Variants in PFKFB4 observed in about 807,000 individuals in gnomAD.
PFKFB4 encodes the protein 6-phosphofructo-2-kinase/fructose-2,6-biphosphatase 4.
PFKFB4 carries 42 observed loss-of-function variants against 62.8 expected under a neutral mutation model. That is an observed-to-expected ratio of 0.67 (90% CI 0.52 to 0.86). The LOEUF is 0.86. Among genes scored for constraint, PFKFB4 ranks in the 40% least tolerant of loss-of-function variants. The probability of loss-of-function intolerance (pLI) is 0.00; values close to 1 mark genes in which losing one functional copy is unlikely to be tolerated. For synonymous variants in PFKFB4, 204 were observed against 240.7 expected, an observed-to-expected ratio of 0.85 and a Z score of 1.41; for missense variants, 475 against 627.2, an observed-to-expected ratio of 0.76 and a Z score of 2.59.
rs767995547 is a variant in PFKFB4 at position 48,535,556 on chromosome 3, C to G, written c.943G>C (p.Gly315Arg). ...ACCTTCCACTGTTCATAGGGCACAC[C>G]CAGTGCCTCAGCCGTCTGGATTGTC... is the stretch of plus-strand genomic sequence containing the variant. ...KRTIQTAEAL[G>R]VPYEQWKVLN... The change falls in exon 9 of 14, where the codon GGT (glycine) becomes CGT (arginine). Residue 315 changes from glycine to arginine, a missense_variant. By Grantham distance (125) the Gly-to-Arg change is moderately radical. Coordinates refer to ENST00000232375, the MANE Select transcript of PFKFB4 (RefSeq NM_004567.4). 3.0e-5 allele frequency: 48 copies of G among 1,613,964 alleles called. No homozygotes were observed. The highest frequency in any genetic ancestry group is 4.1e-5 in the Non-Finnish European group (48 of 1,179,990).
Position 48,519,656 on chromosome 3 carries a change from G to T in PFKFB4, c.*91C>A. 2 of 965,012 alleles carry T rather than the reference G, an allele frequency of 2.1e-6. No individual in the cohort carries two copies. Among genetic ancestry groups the T allele is most frequent in the Non-Finnish European group, 3.3e-6 (2 of 603,652 alleles). 59.8% of individuals were successfully genotyped at this position (965,012 alleles called of 1,614,324 possible). A position where few individuals can be genotyped will look rare whatever the true frequency, so the allele number is the denominator to read the frequency against. On this transcript the variant is annotated 3_prime_UTR_variant, in exon 14 of 14. Coordinates refer to ENST00000232375, the MANE Select transcript of PFKFB4 (RefSeq NM_004567.4). ...GTGGCTTCAAGAATATCCCTGCATG[G>T]CATGGTGACTATCACACACACTGGA...
chr3:48,536,195 A>G (rs1244469183), intron 8 of PFKFB4, 61 bp downstream of exon 8: 3 of 1,481,824 alleles, frequency 2.0e-6, no homozygotes, highest in Middle Eastern at 2.3e-4. Flanking sequence ...ACATGCATAT[A>G]CCCAGCCACG....
chr3:48,542,525 C>T (rs1397457394), intron 4 of PFKFB4, among the ~76,000 whole-genome samples: 1 of 151,710 alleles, frequency 6.6e-6, no homozygotes, highest in Non-Finnish European at 1.5e-5. Flanking sequence ...ATTTCCCTGA[C>T]CTGGAGAACA....
At chr3:48,533,117 A>G (rs945526936) in intron 9 of PFKFB4, among the ~76,000 whole-genome samples, 1 of 152,136 alleles carries the variant, frequency 6.6e-6, no homozygotes, top group Non-Finnish European at 1.5e-5. Context: ...GAATGAAATC[A>G]TAGCACACCA....
chr3:48,562,738 G>A, upstream of PFKFB4: 4 of 1,484,386 alleles, frequency 2.7e-6, no homozygotes, highest in Admixed American at 4.4e-5. The surrounding 1 kb of genome is among the most constrained non-coding windows in gnomAD (Gnocchi z 4.3). Context: ...TGCCCTCCAG[G>A]TCTTCCCATC....
rs2042022986 is a variant in PFKFB4, at chr3:48,519,527, G to A, written c.*220C>T. Reference sequence around the variant, plus strand: ...GCCCATGCAGATGCAGTCTGGTCAAGTGACTCTTAGCAGCAGGTCAGGAGC... The same window carrying A: ...GCCCATGCAGATGCAGTCTGGTCAAATGACTCTTAGCAGCAGGTCAGGAGC... On this transcript the variant is annotated 3_prime_UTR_variant, in exon 14 of 14. Coordinates refer to ENST00000232375, the MANE Select transcript of PFKFB4 (RefSeq NM_004567.4). 5 of 552,792 alleles carry A rather than the reference G, an allele frequency of 9.0e-6. No individual in the cohort carries two copies. The highest frequency in any genetic ancestry group is 1.6e-5 in the Non-Finnish European group (5 of 307,760). The allele number at this position is 552,792 out of a possible 1,614,324, so 34.2% of individuals were successfully genotyped here.
upstream of PFKFB4, chr3:48,561,076 G>C (rs758047285): frequency 7.8e-7 from 1 of 1,283,190 alleles, no homozygotes; most frequent in African/African-American, 1.5e-5. This position sits in a 1 kb window ranked among gnomAD's most constrained non-coding sequence, Gnocchi z 5.2. Context: ...CCCGGCCCCA[G>C]GTCGGTCAGG....
At chr3:48,547,323 A>G (rs933214001) in intron 3 of PFKFB4, among the ~76,000 whole-genome samples, 3 of 152,222 alleles carry the variant, frequency 2.0e-5, no homozygotes, top group African/African-American at 7.2e-5. Flanking sequence ...TACCCTGTGC[A>G]TATGGTATAC....
chr3:48,521,975 C>G lies in PFKFB4; in HGVS notation c.1350+11G>C. ...AACACCCCGCTACCCCAGCAGTGAC[C>G]CCATTGCTACCTGAGGCCTGTCCCG... On this transcript the variant is annotated intron_variant, in intron 13 of 13. Transcript: ENST00000232375. The surrounding 1 kb of genome is among the most constrained non-coding windows in gnomAD (Gnocchi z 5.3). 6.2e-7 allele frequency: 1 copy of G among 1,610,478 alleles called. No individual in the cohort carries two copies. Among genetic ancestry groups the G allele is most frequent in the Non-Finnish European group, 8.5e-7 (1 of 1,176,708 alleles).
intron 3 of PFKFB4, among the ~76,000 whole-genome samples, chr3:48,546,894 T>C (rs2042981280): frequency 1.3e-5 from 2 of 152,226 alleles, no homozygotes; most frequent in African/African-American, 4.8e-5. Flanking sequence ...ATGTTGTCAA[T>C]GTTCAATGCA....
chr3:48,543,241 G>C (rs568669696), intron 4 of PFKFB4, among the ~76,000 whole-genome samples: 1 of 152,140 alleles, frequency 6.6e-6, no homozygotes, highest in Non-Finnish European at 1.5e-5. Flanking sequence ...CAGTAATGCT[G>C]GGCAGGATTC....
At position 48,521,839 on chromosome 3, in the gene PFKFB4, C is replaced by A. The variant is rs538016215; in HGVS notation, c.1350+147G>T. The A allele has an allele frequency of 2.8e-6, 2 of 715,890 alleles. No homozygotes were observed. Among genetic ancestry groups the A allele is most frequent in the Non-Finnish European group, 4.9e-6 (2 of 404,466 alleles). 44.3% of individuals were successfully genotyped at this position (715,890 alleles called of 1,614,324 possible). A position where few individuals can be genotyped will look rare whatever the true frequency, so the allele number is the denominator to read the frequency against. Reference sequence around the variant, plus strand: ...CAGGCCCCACCCAGAGCCAGGGCCCCGCCCTGCTGATGGGACAACAGTCTT... The same window carrying A: ...CAGGCCCCACCCAGAGCCAGGGCCCAGCCCTGCTGATGGGACAACAGTCTT... On this transcript the variant is annotated intron_variant, in intron 13 of 13. Coordinates refer to ENST00000232375, the MANE Select transcript of PFKFB4 (RefSeq NM_004567.4). This position sits in a 1 kb window ranked among gnomAD's most constrained non-coding sequence, Gnocchi z 5.3.
In PFKFB4 at chr3:48,525,658, C is replaced by T; in HGVS notation, c.999G>A (p.Glu333=). 1 of 1,601,608 alleles carries T rather than the reference C, an allele frequency of 6.2e-7. No individual in the cohort carries two copies. The highest frequency in any genetic ancestry group is 8.5e-7 in the Non-Finnish European group (1 of 1,171,850). ...CCTGAATTTCCTCGTAGGTCATTTC[C>T]TCACAGACGCCCTAGGGAGATACCA... The part of the protein sequence containing the change: ...VLNEIDAGVC[E]EMTYEEIQDN... The change falls in exon 10 of 14, where the codon GAG becomes GAA. Residue 333 remains glutamate, a synonymous_variant. Transcript: ENST00000232375.
chr3:48,543,353 C>A (rs1356036671), intron 4 of PFKFB4, among the ~76,000 whole-genome samples: 1 of 152,216 alleles, frequency 6.6e-6, no homozygotes, highest in East Asian at 1.9e-4. Flanking sequence ...GGAAGTCCTG[C>A]AGGGTCAAAT....
At chr3:48,528,594 T>G (rs932455834) in intron 9 of PFKFB4, among the ~76,000 whole-genome samples, 1 of 152,074 alleles carries the variant, frequency 6.6e-6, no homozygotes, top group African/African-American at 2.4e-5. Flanking sequence ...GCCCAGGAGA[T>G]GGAGGCTGCA....
At chr3:48,555,302 AC>A (rs1245630129) in intron 1 of PFKFB4, among the ~76,000 whole-genome samples, 1 of 152,148 alleles carries the variant, frequency 6.6e-6, no homozygotes, top group Non-Finnish European at 1.5e-5. Context: ...CTGGTCAGAA[AC>A]ATGGCCTTCC....
chr3:48,536,344 G>A lies in PFKFB4; in HGVS notation c.752C>T (p.Ser251Phe). The A allele has an allele frequency of 1.9e-6, 3 of 1,614,238 alleles. No individual in the cohort carries two copies. The highest frequency in any genetic ancestry group is 2.5e-6 in the Non-Finnish European group (3 of 1,180,048). ...CTCCCCGTGCCGGCAGAGGTAGATG[G>A]AGCGGGGGGTCACGTGGATGTTCAT... ...YLMNIHVTPR[S>F]IYLCRHGESE... Residue 251 changes from serine to phenylalanine, a missense_variant, in exon 8 of 14, where the codon TCC becomes TTC. Transcript: ENST00000232375.
upstream of PFKFB4, chr3:48,561,125 A>C (rs1403819166): frequency 7.8e-7 from 1 of 1,281,284 alleles, no homozygotes; most frequent in Admixed American, 2.4e-5. The surrounding 1 kb of genome is among the most constrained non-coding windows in gnomAD (Gnocchi z 5.2). Context: ...TCCTGCAACC[A>C]AACTGGCCAG....
chr3:48,526,572 C>CAAAA (rs1427105726), intron 9 of PFKFB4, among the ~76,000 whole-genome samples: 12 of 78,040 alleles, frequency 1.5e-4, no homozygotes, highest in African/African-American at 5.0e-4. Context: ...GACTCTGTCT[C>CAAAA]AAAAAAAAAA....
Sources: gnomAD v4.1 joint callset for allele counts (sites outside exome capture counted in the v4.1 genomes callset) on GRCh38, gnomAD v4.1.1 for gene constraint, Gnocchi (gnomAD v3.1) non-coding constraint, MANE v1.5 for transcripts, NCBI Gene and HGNC (gene_info 2026-07-23, HGNC 2026-07-21) for gene names.